The following DOCK5 variants were observed in gnomAD, a reference collection of about 807,000 sequenced individuals.
The protein encoded by DOCK5 is dedicator of cytokinesis 5, also known as dedicator of cytokinesis protein 5.
A neutral mutation model predicts 251.8 loss-of-function variants in DOCK5; 142 were observed. The ratio of observed to expected loss-of-function variants is 0.56; its 90% CI spans 0.49 to 0.65. The LOEUF is 0.65. Ranked by LOEUF, DOCK5 falls within the 30% of genes least tolerant of loss-of-function variation. The pLI is 0.00. For synonymous variants in DOCK5, 842 were observed against 835.5 expected (o/e 1.01, Z -0.13); for missense variants, 2,111 against 2,312.3 (o/e 0.91, Z 1.79).
chr8:25,244,875 CA>C (rs1803056033), intron 2 of DOCK5, among the ~76,000 whole-genome samples: 2 of 152,122 alleles, frequency 1.3e-5, no homozygotes, highest in African/African-American at 4.8e-5. Flanking sequence ...ATGTAGCTCC[CA>C]GGGGCAGAGA....
rs1430582591 is a variant in DOCK5 at position 25,298,185 on chromosome 8, G to A, written c.607-759G>A. On this transcript the variant is annotated intron_variant, in intron 7 of 51. Transcript: ENST00000276440. ...TAAAGATTTGTGTCAATTTTCTTTG[G>A]TTTGTTGGTTTGTAGTGTTTACTTC... is the stretch of plus-strand genomic sequence containing the variant. 2.7e-5 allele frequency among the ~76,000 whole-genome samples: 4 copies of A among 150,858 alleles called. No individual in the cohort carries two copies. In the East Asian group the frequency reaches 7.8e-4, roughly 29 times the overall value.
chr8:25,367,076 T>C (rs986822581), intron 31 of DOCK5, 106 bp downstream of exon 31: 21 of 959,850 alleles, frequency 2.2e-5, no homozygotes, highest in Non-Finnish European at 3.4e-5. Flanking sequence ...TGGCTACCCA[T>C]GTTGTTAGTG....
rs1220923539 is a variant in DOCK5, at chr8:25,332,790, A to T, written c.2091+98A>T. ...TGATTGTGTGAATATCTTCTCACAT[A>T]AATATTTGTTTACATCTCTCTGGTT... On this transcript the variant is annotated intron_variant, in intron 20 of 51. Coordinates refer to ENST00000276440, the MANE Select transcript of DOCK5 (RefSeq NM_024940.8). 4.0e-5 allele frequency: 36 copies of T among 902,940 alleles called. 1 individual carries two copies. The highest frequency in any genetic ancestry group is 5.6e-5 in the Non-Finnish European group (34 of 610,510). The allele number at this position is 902,940 out of a possible 1,614,324, so 55.9% of individuals were successfully genotyped here.
chr8:25,271,653 G>T (rs971492183), intron 3 of DOCK5, among the ~76,000 whole-genome samples: 2 of 152,212 alleles, frequency 1.3e-5, no homozygotes, highest in Admixed American at 6.5e-5. Flanking sequence ...GAAGCCAAGC[G>T]CTTTTCCGAA....
At chr8:25,292,401 C>T (rs1804516428) in intron 6 of DOCK5, among the ~76,000 whole-genome samples, 1 of 152,050 alleles carries the variant, frequency 6.6e-6, no homozygotes, top group Non-Finnish European at 1.5e-5. Context: ...GACAGATGAT[C>T]AGGAAAGATG....
intron 7 of DOCK5, among the ~76,000 whole-genome samples, chr8:25,297,924 G>C (rs552687972): frequency 1.2e-4 from 18 of 151,974 alleles, no homozygotes; most frequent in African/African-American, 4.3e-4. Flanking sequence ...GGACGTGGTA[G>C]TGCATGACTG....
intron 2 of DOCK5, among the ~76,000 whole-genome samples, chr8:25,259,667 C>T (rs1803519408): frequency 6.6e-6 from 1 of 152,084 alleles, no homozygotes. Context: ...TACTATGTTG[C>T]CCAGGCTGGT....
chr8:25,409,045 T>G lies in DOCK5; in HGVS notation c.5404+105T>G. On this transcript the variant is annotated intron_variant, in intron 50 of 51. Transcript: ENST00000276440. ...CCAGCCAGAATGTATGTAAGACCAT[T>G]GTAAAACTGGTTCAATTTCGTGTTC... 3 of 1,507,428 alleles carry G rather than the reference T, an allele frequency of 2.0e-6. No homozygotes were observed. The South Asian group carries it at 3.5e-5, about 18-fold the overall frequency. 93.4% of individuals were successfully genotyped at this position (1,507,428 alleles called of 1,614,324 possible). A position where few individuals can be genotyped will look rare whatever the true frequency, so the allele number is the denominator to read the frequency against.
intron 40 of DOCK5, among the ~76,000 whole-genome samples, chr8:25,387,793 C>A (rs1801190086): frequency 6.6e-6 from 1 of 152,206 alleles, no homozygotes; most frequent in South Asian, 2.1e-4. Flanking sequence ...TCTCTTTACG[C>A]TTCCTTATCC....
intron 13 of DOCK5, among the ~76,000 whole-genome samples, 200 bp downstream of exon 13, chr8:25,310,732 A>G (rs1805069643): frequency 6.6e-6 from 1 of 152,026 alleles, no homozygotes; most frequent in Non-Finnish European, 1.5e-5. Flanking sequence ...AAATATAAAA[A>G]CCTCTGCTCT....
intron 27 of DOCK5, among the ~76,000 whole-genome samples, chr8:25,355,790 T>C (rs535623115): frequency 1.1e-4 from 17 of 152,266 alleles, no homozygotes; most frequent in African/African-American, 4.1e-4. Flanking sequence ...ATGCCTGTTC[T>C]TTAACAATGG....
chr8:25,390,549 A>C (rs935770618), intron 42 of DOCK5, among the ~76,000 whole-genome samples: 1 of 152,188 alleles, frequency 6.6e-6, no homozygotes, highest in Non-Finnish European at 1.5e-5. Context: ...TTCTACTTTG[A>C]GTGTAAGATA....
At chr8:25,223,765 G>A (rs182016237) in intron 1 of DOCK5, among the ~76,000 whole-genome samples, 93 of 152,316 alleles carry the variant, frequency 6.1e-4, no homozygotes, top group African/African-American at 2.2e-3. Flanking sequence ...ATGGATTTGG[G>A]CCCTTTTGGG....
In DOCK5 at chr8:25,325,611, T is replaced by A. The variant is rs904440244; in HGVS notation, c.1903+64T>A. ...GCTCAGCCTTTCTGGGCTCCTTGGTTAGGCTCACAGGGCTGGACTATATGG... is the reference window on the plus strand; with the variant it reads ...GCTCAGCCTTTCTGGGCTCCTTGGTAAGGCTCACAGGGCTGGACTATATGG... On this transcript the variant is annotated intron_variant, in intron 18 of 51. Transcript: ENST00000276440. The A allele has an allele frequency of 1.9e-6, 3 of 1,581,918 alleles. No homozygotes were observed. The African/African-American group carries it at 4.1e-5, about 21-fold the overall frequency.
At chr8:25,327,562 C>T (rs1383850483) in intron 18 of DOCK5, among the ~76,000 whole-genome samples, 10 of 152,146 alleles carry the variant, frequency 6.6e-5, no homozygotes, top group Admixed American at 6.5e-4. Context: ...TGTTATCTCC[C>T]TGTCAAAAAT....
At chr8:25,186,924 G>A (rs186386318) in intron 1 of DOCK5, among the ~76,000 whole-genome samples, 7 of 152,124 alleles carry the variant, frequency 4.6e-5, no homozygotes, top group Non-Finnish European at 8.8e-5. Context: ...TTTGGGCCAG[G>A]TGCGATGGCT....
intron 15 of DOCK5, 49 bp downstream of exon 15, chr8:25,319,725 G>A (rs1805369166): frequency 4.4e-6 from 6 of 1,359,670 alleles, no homozygotes; most frequent in South Asian, 2.6e-5. Context: ...ACCTCAGTTA[G>A]ATTCCTATCT....
chr8:25,335,321 A>G (rs1040940544), intron 21 of DOCK5, among the ~76,000 whole-genome samples: 2 of 152,118 alleles, frequency 1.3e-5, no homozygotes, highest in Non-Finnish European at 2.9e-5. Context: ...GATCATACCG[A>G]GCCAAATGCA....
intron 1 of DOCK5, among the ~76,000 whole-genome samples, chr8:25,192,040 A>G (rs1801595996): frequency 6.6e-6 from 1 of 151,450 alleles, no homozygotes; most frequent in South Asian, 2.1e-4. Flanking sequence ...TCCTTGCGAT[A>G]GTTTGCTGAG....
Sources: gnomAD v4.1 joint callset for allele counts (sites outside exome capture counted in the v4.1 genomes callset) on GRCh38, gnomAD v4.1.1 for gene constraint, MANE v1.5 for transcripts, NCBI Gene and HGNC (gene_info 2026-07-23, HGNC 2026-07-21) for gene names.